STARD13: variants seen among roughly 807,000 people sequenced by gnomAD.
STARD13 encodes the protein StAR related lipid transfer domain containing 13, also known as stAR-related lipid transfer protein 13.
In STARD13, 62 loss-of-function variants were observed where a neutral mutation model predicts 106.4. That is an observed-to-expected ratio of 0.58 (90% CI 0.48 to 0.72). STARD13 has a LOEUF of 0.72. Among genes scored for constraint, STARD13 ranks in the 30% least tolerant of loss-of-function variants. The probability of loss-of-function intolerance (pLI) is 0.00; values close to 1 mark genes in which losing one functional copy is unlikely to be tolerated. For missense variants in STARD13, 1,387 were observed against 1,424.0 expected (o/e 0.97, Z 0.42); for synonymous variants, 565 against 553.0 (o/e 1.02, Z -0.31).
chr13:33,447,539 C>T, the STARD13 span, among the ~76,000 whole-genome samples: 1 of 152,172 alleles, frequency 6.6e-6, no homozygotes, highest in South Asian at 2.1e-4. Context: ...TCTCATTAAC[C>T]CCAACTTACC....
At chr13:33,150,895 C>T (rs1881181803) in intron 3 of STARD13, among the ~76,000 whole-genome samples, 2 of 152,192 alleles carry the variant, frequency 1.3e-5, no homozygotes, top group Admixed American at 6.5e-5. Flanking sequence ...AAGATTCGTT[C>T]ATCCGACAGT....
intron 1 of STARD13, among the ~76,000 whole-genome samples, chr13:33,306,070 C>G (rs1388980800): frequency 6.6e-6 from 1 of 152,192 alleles, no homozygotes. Flanking sequence ...TACCTGACTT[C>G]AAACTATACT....
the STARD13 span, among the ~76,000 whole-genome samples, chr13:33,629,667 G>T: frequency 6.6e-6 from 1 of 152,202 alleles, no homozygotes; most frequent in Non-Finnish European, 1.5e-5. Flanking sequence ...GGCATTCCTT[G>T]TTATAAGCAT....
the STARD13 span, among the ~76,000 whole-genome samples, chr13:33,667,977 T>C: frequency 1.3e-5 from 2 of 152,346 alleles, no homozygotes; most frequent in South Asian, 2.1e-4. Context: ...TTGAACCCTG[T>C]TCAAATAAGG....
In STARD13 at chr13:33,114,726, C is replaced by T. The variant is rs139870769; in HGVS notation, c.2282-1795G>A. ...TCTTTTCCATGCCAACATTTTTTCC[C>T]AGCCATCATTTTTGAAGAGTCGCCT... is the stretch of plus-strand genomic sequence containing the variant. On this transcript the variant is annotated intron_variant, in intron 8 of 13. Transcript: ENST00000336934. 4.7e-3 allele frequency among the ~76,000 whole-genome samples: 708 copies of T among 152,166 alleles called. 10 individuals carry two copies. The highest frequency in any genetic ancestry group is 0.017 in the Middle Eastern group (5 of 294).
chr13:33,221,987 A>G (rs1888382694), intron 1 of STARD13, among the ~76,000 whole-genome samples: 1 of 152,126 alleles, frequency 6.6e-6, no homozygotes, highest in Non-Finnish European at 1.5e-5. Context: ...TGTCTCAACT[A>G]AAAATATAAA....
the STARD13 span, among the ~76,000 whole-genome samples, chr13:33,419,748 C>T: frequency 6.6e-6 from 1 of 152,254 alleles, no homozygotes; most frequent in Non-Finnish European, 1.5e-5. Context: ...ATCAGACTAA[C>T]AGCAGATCTC....
chr13:33,507,792 A>G, the STARD13 span, among the ~76,000 whole-genome samples: 1 of 152,318 alleles, frequency 6.6e-6, no homozygotes, highest in Non-Finnish European at 1.5e-5. Context: ...AAAGTAAGCT[A>G]GGGAAATTTT....
chr13:33,422,561 A>G, the STARD13 span, among the ~76,000 whole-genome samples: 1 of 152,194 alleles, frequency 6.6e-6, no homozygotes, highest in Middle Eastern at 3.2e-3. Context: ...TCAAACTACC[A>G]ATGACTTTCT....
the STARD13 span, among the ~76,000 whole-genome samples, chr13:33,374,748 G>A: frequency 6.6e-6 from 1 of 152,082 alleles, no homozygotes; most frequent in African/African-American, 2.4e-5. Flanking sequence ...AACAAAGCAT[G>A]GAAGCTAAAA....
the STARD13 span, among the ~76,000 whole-genome samples, chr13:33,401,411 T>C: frequency 6.6e-6 from 1 of 152,186 alleles, no homozygotes; most frequent in Non-Finnish European, 1.5e-5. Flanking sequence ...ACTCATAAAA[T>C]TGGGGCAGAG....
chr13:33,407,313 C>T, the STARD13 span, among the ~76,000 whole-genome samples: 1 of 152,148 alleles, frequency 6.6e-6, no homozygotes, highest in Non-Finnish European at 1.5e-5. Flanking sequence ...AGTCATTGTC[C>T]CCTCAGCATG....
intron 6 of STARD13, among the ~76,000 whole-genome samples, chr13:33,127,098 GTTCACAATTAATCACCCTTTA>G (rs1302329954): frequency 1.3e-5 from 2 of 152,176 alleles, no homozygotes; most frequent in African/African-American, 4.8e-5. Context: ...TATTTCCTCT[GTTCACAATTAATCACCCTTTA>G]CTTGTCTCTT....
chr13:33,649,000 G>A, the STARD13 span, among the ~76,000 whole-genome samples: 2 of 151,606 alleles, frequency 1.3e-5, no homozygotes, highest in Admixed American at 1.3e-4. Flanking sequence ...TCTCCATGTT[G>A]GTCAGGCTGG....
chr13:33,276,805 T>G (rs1226304027), intron 1 of STARD13: 1 of 152,160 alleles, frequency 6.6e-6, no homozygotes, highest in Non-Finnish European at 1.5e-5. Context: ...GCCCTTGTGT[T>G]TTATCCAACT....
the STARD13 span, among the ~76,000 whole-genome samples, chr13:33,578,990 CA>C: frequency 4.0e-5 from 6 of 151,492 alleles, no homozygotes; most frequent in Middle Eastern, 6.8e-3. Flanking sequence ...GTTAACAAGT[CA>C]AAAAAAACAA....
chr13:33,144,446 T>C (rs759873817), intron 3 of STARD13, among the ~76,000 whole-genome samples: 7 of 152,238 alleles, frequency 4.6e-5, no homozygotes, highest in Admixed American at 1.3e-4. Context: ...AGCCTCCTAA[T>C]TGGTTTCACT....
At chr13:33,404,501 T>C in the STARD13 span, among the ~76,000 whole-genome samples, 1 of 152,198 alleles carries the variant, frequency 6.6e-6, no homozygotes, top group East Asian at 1.9e-4. Context: ...GCATGGCTGG[T>C]GACTTGGAAT....
chr13:33,515,037 A>G, the STARD13 span, among the ~76,000 whole-genome samples: 1 of 152,124 alleles, frequency 6.6e-6, no homozygotes, highest in Non-Finnish European at 1.5e-5. Context: ...GATGTAGAAG[A>G]GGAGGTGATG....
Sources: gnomAD v4.1 joint callset for allele counts (sites outside exome capture counted in the v4.1 genomes callset) on GRCh38, gnomAD v4.1.1 for gene constraint, MANE v1.5 for transcripts, NCBI Gene and HGNC (gene_info 2026-07-23, HGNC 2026-07-21) for gene names.